Variants in RNF170 observed in about 807,000 individuals in gnomAD.
RNF170 encodes ring finger protein 170.
In RNF170, 12 loss-of-function variants were observed where a neutral mutation model predicts 32.7. That is an observed-to-expected ratio of 0.37 (90% CI 0.24 to 0.60). The LOEUF (loss-of-function observed/expected upper bound fraction) is 0.60. Ranked by LOEUF, RNF170 falls within the 20% of genes least tolerant of loss-of-function variation. The pLI is 0.72. For missense variants in RNF170, 212 were observed against 311.2 expected, an observed-to-expected ratio of 0.68 and a Z score of 2.40; for synonymous variants, 91 against 103.6, an observed-to-expected ratio of 0.88 and a Z score of 0.74.
In RNF170 at chr8:42,879,678, CTTTT is replaced by C. The variant is rs879305808; in HGVS notation, c.138-5676_138-5673del. ...AAGCAATAAATAAAGAATAAAATAACTTTTTTTTTTTTTGAGACAGAGTCTCACC... is the reference window on the plus strand; with the variant it reads ...AAGCAATAAATAAAGAATAAAATAACTTTTTTTTTGAGACAGAGTCTCACC... On this transcript the variant is annotated intron_variant, in intron 2 of 6. Coordinates refer to ENST00000527424, the MANE Select transcript of RNF170 (RefSeq NM_030954.4). Among the ~76,000 whole-genome samples, 3 of 146,132 alleles carry C rather than the reference CTTTT, an allele frequency of 2.1e-5. No homozygotes were observed. In the South Asian group the frequency reaches 6.5e-4, roughly 32 times the overall value.
intron 3 of RNF170, among the ~76,000 whole-genome samples, chr8:42,871,006 C>T (rs1024599102): frequency 2.0e-5 from 3 of 152,060 alleles, no homozygotes; most frequent in South Asian, 2.1e-4. Context: ...GTCAGGAGTT[C>T]GAGACCAGCC....
chr8:42,870,218 A>G, intron 3 of RNF170, 106 bp from the exon 4 acceptor site: 1 of 778,302 alleles, frequency 1.3e-6, no homozygotes, highest in Admixed American at 2.0e-5. Flanking sequence ...TGTAACCCTC[A>G]TCAAACTGTA....
chr8:42,886,975 G>A (rs1216821929), intron 2 of RNF170, among the ~76,000 whole-genome samples: 2 of 151,888 alleles, frequency 1.3e-5, no homozygotes, highest in African/African-American at 2.4e-5. Flanking sequence ...CCAACCTAGC[G>A]AAATCCTGTC....
At position 42,869,719 on chromosome 8, in the gene RNF170, C is replaced by T. The variant is rs146271442; in HGVS notation, c.322+285G>A. ...TCATGCTATGGATCTACTTGAACTA[C>T]TGTCCAAACAAACACATTTCTGTTT... On this transcript the variant is annotated intron_variant, in intron 4 of 6. Transcript: ENST00000527424. 8.6e-4 allele frequency among the ~76,000 whole-genome samples: 131 copies of T among 152,334 alleles called. No individual in the cohort carries two copies. In the Middle Eastern group the frequency reaches 0.01, roughly 12 times the overall value.
At chr8:42,894,967 G>A (rs2130247794) in intron 1 of RNF170, among the ~76,000 whole-genome samples, 1 of 151,454 alleles carries the variant, frequency 6.6e-6, no homozygotes, top group East Asian at 1.9e-4. Context: ...CTTACAAAAT[G>A]CTAAATGATC....
At chr8:42,869,522 T>A (rs915722536) in intron 4 of RNF170, among the ~76,000 whole-genome samples, 2 of 152,172 alleles carry the variant, frequency 1.3e-5, no homozygotes, top group African/African-American at 4.8e-5. Flanking sequence ...ACAAACAGAC[T>A]GAGACTAAGA....
chr8:42,861,717 A>G (rs1361221461), intron 6 of RNF170, 28 bp downstream of exon 6: 1 of 1,509,816 alleles, frequency 6.6e-7, no homozygotes, highest in African/African-American at 1.4e-5. Context: ...TCTTCCTCTA[A>G]CTTTGAACAT....
intron 5 of RNF170, among the ~76,000 whole-genome samples, chr8:42,865,155 G>A (rs1188807052): frequency 6.6e-6 from 1 of 151,862 alleles, no homozygotes; most frequent in Non-Finnish European, 1.5e-5. Flanking sequence ...TACTCAGGAG[G>A]CTAAGGTGGA....
chr8:42,895,323 AC>A (rs919383810), intron 1 of RNF170, among the ~76,000 whole-genome samples: 15 of 152,004 alleles, frequency 9.9e-5, no homozygotes, highest in African/African-American at 3.6e-4. Context: ...ATCAACAACA[AC>A]AAAAAACCCC....
chr8:42,869,857 G>T, intron 4 of RNF170, 147 bp downstream of exon 4: 1 of 698,218 alleles, frequency 1.4e-6, no homozygotes, highest in Non-Finnish European at 2.6e-6. Context: ...ATACTTGGTT[G>T]ACAAGTAGAG....
chr8:42,884,765 G>A (rs1184021386), intron 2 of RNF170, among the ~76,000 whole-genome samples: 4 of 147,554 alleles, frequency 2.7e-5, no homozygotes, highest in African/African-American at 7.5e-5. Context: ...GCAGTGGTGC[G>A]ATCTCAGCTC....
At chr8:42,867,775 C>CAAA (rs1054907767) in intron 4 of RNF170, among the ~76,000 whole-genome samples, 34 of 24,690 alleles carry the variant, frequency 1.4e-3, no homozygotes, top group South Asian at 1.9e-3. Flanking sequence ...GACTCCATCT[C>CAAA]AAAAAAAAAA....
intron 2 of RNF170, chr8:42,881,176 C>T (rs895082648): frequency 1.3e-5 from 2 of 151,976 alleles, no homozygotes; most frequent in Non-Finnish European, 2.9e-5. Context: ...AGTAAACAAC[C>T]CGATTCAAAA....
chr8:42,891,849 T>C (rs986214845), intron 1 of RNF170, among the ~76,000 whole-genome samples: 7 of 152,104 alleles, frequency 4.6e-5, no homozygotes, highest in Non-Finnish European at 8.8e-5. Flanking sequence ...AACATTAGAG[T>C]GGTTATCAGT....
At chr8:42,894,224 G>A (rs981752167) in intron 1 of RNF170, among the ~76,000 whole-genome samples, 34 of 152,206 alleles carry the variant, frequency 2.2e-4, no homozygotes, top group African/African-American at 7.5e-4. Flanking sequence ...AAAGCACTGT[G>A]GATATGCAGC....
intron 2 of RNF170, among the ~76,000 whole-genome samples, chr8:42,882,494 T>A (rs1805494946): frequency 6.6e-6 from 1 of 152,156 alleles, no homozygotes; most frequent in South Asian, 2.1e-4. Context: ...AGTGCTAGGA[T>A]TACAGGTGTG....
At chr8:42,851,060 C>T (rs1586464154), downstream of RNF170, 21 of 1,539,538 alleles carry the variant, frequency 1.4e-5, no homozygotes, top group East Asian at 7.4e-5. Context: ...TCCCACTGCA[C>T]GTAAATCCAA....
chr8:42,871,805 C>T (rs991022547), intron 3 of RNF170, among the ~76,000 whole-genome samples: 2 of 152,130 alleles, frequency 1.3e-5, no homozygotes, highest in Admixed American at 6.5e-5. Context: ...GTGATCTGCC[C>T]GCCTCAGCCT....
intron 1 of RNF170, chr8:42,896,057 G>A (rs1296846694): frequency 1.6e-5 from 3 of 186,586 alleles, no homozygotes; most frequent in Admixed American, 6.2e-5. Flanking sequence ...CTAAAGAGGT[G>A]GAAGCTCCAG....
Sources: allele counts gnomAD v4.1 joint callset (sites outside exome capture counted in the v4.1 genomes callset), GRCh38; gene constraint gnomAD v4.1.1; transcripts MANE v1.5; gene names NCBI Gene and HGNC (gene_info 2026-07-23, HGNC 2026-07-21).